RALYL: variants seen among roughly 807,000 people sequenced by gnomAD.
RALYL encodes the protein RNA-binding Raly-like protein.
RALYL carries 29 observed loss-of-function variants against 35.1 expected under a neutral mutation model. That is an observed-to-expected ratio of 0.83 (90% CI 0.61 to 1.13). The LOEUF is 1.13. Among genes scored for constraint, RALYL ranks in the 50% most tolerant of loss-of-function variants. The probability of loss-of-function intolerance (pLI) is 0.00; values close to 1 mark genes in which losing one functional copy is unlikely to be tolerated. For synonymous variants in RALYL, 120 were observed against 127.6 expected (o/e 0.94, Z 0.40); for missense variants, 359 against 360.4 (o/e 1.00, Z 0.03).
intron 1 of RALYL, among the ~76,000 whole-genome samples, chr8:84,395,432 G>C (rs909409190): frequency 6.6e-6 from 1 of 151,806 alleles, no homozygotes; most frequent in South Asian, 2.1e-4. Flanking sequence ...TTGAAAATAC[G>C]TGAGGATTTC....
chr8:84,915,421 C>T (rs1486263694), intron 8 of RALYL, among the ~76,000 whole-genome samples: 3 of 152,092 alleles, frequency 2.0e-5, no homozygotes, highest in Non-Finnish European at 4.4e-5. Context: ...ATACCTCTCA[C>T]ATTCTGCCTG....
intron 2 of RALYL, among the ~76,000 whole-genome samples, chr8:84,557,702 T>G (rs2061223365): frequency 6.6e-6 from 1 of 152,222 alleles, no homozygotes; most frequent in African/African-American, 2.4e-5. Context: ...TATTTACTAT[T>G]TATTCTAGAG....
intron 3 of RALYL, among the ~76,000 whole-genome samples, chr8:84,804,170 T>C (rs918840436): frequency 1.4e-4 from 22 of 152,316 alleles, no homozygotes; most frequent in Middle Eastern, 3.4e-3. Context: ...AGTGGCTTTC[T>C]CAAATGAACC....
chr8:84,198,417 T>C (rs989267669), intron 1 of RALYL, among the ~76,000 whole-genome samples: 6 of 152,174 alleles, frequency 3.9e-5, no homozygotes, highest in Admixed American at 3.9e-4. Flanking sequence ...ATGAGGTCCA[T>C]GAGATGTTTT....
intron 1 of RALYL, among the ~76,000 whole-genome samples, chr8:84,212,863 A>T (rs115864919): frequency 0.026 from 3,931 of 152,266 alleles, 181 homozygotes; most frequent in African/African-American, 0.087. Context: ...TCTTAAAAAA[A>T]TTTTTAAGAA....
At chr8:84,254,788 T>C (rs1182786186) in intron 1 of RALYL, among the ~76,000 whole-genome samples, 1 of 146,798 alleles carries the variant, frequency 6.8e-6, no homozygotes, top group East Asian at 2.0e-4. Flanking sequence ...CAGCTCACCA[T>C]GGCTGGGGAA....
At chr8:84,541,156 TGC>T (rs1342141365) in intron 2 of RALYL, among the ~76,000 whole-genome samples, 1 of 151,924 alleles carries the variant, frequency 6.6e-6, no homozygotes, top group East Asian at 1.9e-4. Context: ...GGGTTTAATT[TGC>T]CACTCTTTTC....
intron 1 of RALYL, among the ~76,000 whole-genome samples, chr8:84,291,988 G>A (rs936111566): frequency 6.6e-6 from 1 of 150,518 alleles, no homozygotes; most frequent in South Asian, 2.1e-4. Flanking sequence ...GCTATATATG[G>A]AATCTATATG....
At chr8:84,490,498 G>T (rs1443246779) in intron 1 of RALYL, among the ~76,000 whole-genome samples, 2 of 151,924 alleles carry the variant, frequency 1.3e-5, no homozygotes, top group Non-Finnish European at 2.9e-5. Context: ...GACACTGAAG[G>T]TTGGAACTGT....
chr8:84,545,623 T>C (rs1299429807), intron 2 of RALYL, among the ~76,000 whole-genome samples: 1 of 152,216 alleles, frequency 6.6e-6, no homozygotes, highest in Non-Finnish European at 1.5e-5. Flanking sequence ...TCATGTATGA[T>C]CCTCATGTAT....
chr8:84,876,423 T>A (rs142013770), intron 7 of RALYL, among the ~76,000 whole-genome samples: 2 of 152,338 alleles, frequency 1.3e-5, no homozygotes, highest in Admixed American at 6.5e-5. Flanking sequence ...ACACTTAAAA[T>A]CAGTTCGGCC....
At chr8:84,222,692 G>A (rs958844261) in intron 1 of RALYL, among the ~76,000 whole-genome samples, 2 of 152,040 alleles carry the variant, frequency 1.3e-5, no homozygotes, top group African/African-American at 4.8e-5. Context: ...AAGTCACTTT[G>A]GCCAATAGTA....
At chr8:84,336,200 A>AT (rs1464754982) in intron 1 of RALYL, among the ~76,000 whole-genome samples, 9 of 152,028 alleles carry the variant, frequency 5.9e-5, no homozygotes, top group Admixed American at 2.6e-4. Flanking sequence ...TGAGCAACTG[A>AT]TTTTTTTTAA....
chr8:84,748,015 T>C (rs1365752826), intron 2 of RALYL, among the ~76,000 whole-genome samples: 2 of 151,972 alleles, frequency 1.3e-5, no homozygotes, highest in East Asian at 3.8e-4. Context: ...AGTTGGTGAA[T>C]CACTTGTCTC....
intron 2 of RALYL, among the ~76,000 whole-genome samples, chr8:84,687,878 A>G (rs1335435172): frequency 6.6e-6 from 1 of 151,944 alleles, no homozygotes; most frequent in Non-Finnish European, 1.5e-5. Flanking sequence ...AAATCCTTTG[A>G]TTCTTATTTT....
chr8:84,523,325 A>T (rs1564081338), intron 1 of RALYL, among the ~76,000 whole-genome samples: 1 of 151,696 alleles, frequency 6.6e-6, no homozygotes, highest in Non-Finnish European at 1.5e-5. Flanking sequence ...CACTCATGAG[A>T]CTTATTCATG....
intron 8 of RALYL, among the ~76,000 whole-genome samples, chr8:84,918,719 AAT>A (rs1382517096): frequency 2.0e-5 from 3 of 152,140 alleles, no homozygotes; most frequent in Admixed American, 1.3e-4. Context: ...AAGCTTTGTG[AAT>A]ATGTTTTGAC....
intron 1 of RALYL, among the ~76,000 whole-genome samples, chr8:84,435,348 A>G (rs1233562572): frequency 6.6e-6 from 1 of 152,154 alleles, no homozygotes; most frequent in African/African-American, 2.4e-5. Context: ...TCCCTCTATT[A>G]TTGGTAGAAA....
intron 1 of RALYL, among the ~76,000 whole-genome samples, chr8:84,426,438 C>CTCTCTG (rs1425109163): frequency 8.1e-5 from 11 of 135,996 alleles, no homozygotes; most frequent in Non-Finnish European, 7.8e-5. Flanking sequence ...CTCTCTCTCT[C>CTCTCTG]TGTGTGTGTG....
Sources: gnomAD v4.1 joint callset for allele counts (sites outside exome capture counted in the v4.1 genomes callset) on GRCh38, gnomAD v4.1.1 for gene constraint, MANE v1.5 for transcripts, NCBI Gene and HGNC (gene_info 2026-07-23, HGNC 2026-07-21) for gene names.